Variants in RBFOX3 observed in about 807,000 individuals in gnomAD.
RBFOX3 encodes RNA binding fox-1 homolog 3.
In RBFOX3, 17 loss-of-function variants were observed where a neutral mutation model predicts 48.7. That is an observed-to-expected ratio of 0.35 (90% CI 0.24 to 0.52). The LOEUF is 0.52. Among genes scored for constraint, RBFOX3 ranks in the 20% least tolerant of loss-of-function variants. RBFOX3 has a pLI of 0.94. For missense variants in RBFOX3, 382 were observed against 497.5 expected, an observed-to-expected ratio of 0.77 and a Z score of 2.21; for synonymous variants, 212 against 209.5, an observed-to-expected ratio of 1.01 and a Z score of -0.10.
chr17:79,459,774 A>G (rs563187524), intron 2 of RBFOX3, among the ~76,000 whole-genome samples: 1 of 152,300 alleles, frequency 6.6e-6, no homozygotes, highest in South Asian at 2.1e-4. Context: ...AGGGGATTTA[A>G]GAGTGAGGGG....
the RBFOX3 span, among the ~76,000 whole-genome samples, chr17:79,624,141 T>C: frequency 6.6e-6 from 1 of 152,180 alleles, no homozygotes. Flanking sequence ...CCACTAGGTT[T>C]GTTGCAGTTT....
intron 2 of RBFOX3, among the ~76,000 whole-genome samples, chr17:79,424,516 A>G (rs1555724557): frequency 2.6e-5 from 4 of 152,126 alleles, no homozygotes; most frequent in African/African-American, 9.7e-5. Context: ...TCTTCCTGTG[A>G]AATTCTCTCC....
intron 4 of RBFOX3, among the ~76,000 whole-genome samples, chr17:79,215,794 C>T (rs1294976144): frequency 2.0e-5 from 3 of 152,254 alleles, no homozygotes; most frequent in Non-Finnish European, 2.9e-5. Flanking sequence ...TGCCCTGAAG[C>T]GGAGCACCCA....
Position 79,249,083 on chromosome 17 carries a change from G to A in RBFOX3, c.-73-13278C>T, listed in dbSNP as rs1055234063. 3.9e-5 allele frequency among the ~76,000 whole-genome samples: 6 copies of A among 152,268 alleles called. No individual in the cohort carries two copies. The highest frequency in any genetic ancestry group is 2.1e-4 in the South Asian group (1 of 4,828). On this transcript the variant is annotated intron_variant, in intron 3 of 14. Transcript: ENST00000693108. The surrounding 1 kb of genome is among the most constrained non-coding windows in gnomAD (Gnocchi z 4.1). ...AGGCTGCCTCCCCTGGGTCGGCAAC[G>A]CCACCTCGCTTCCTGCAGCTGACAA...
chr17:79,549,938 C>A (rs951045174), intron 1 of RBFOX3, among the ~76,000 whole-genome samples: 3 of 152,066 alleles, frequency 2.0e-5, no homozygotes, highest in African/African-American at 7.2e-5. Flanking sequence ...AGACCACACA[C>A]ACCAAAAAAA....
At chr17:79,294,436 G>A (rs999315486) in intron 3 of RBFOX3, among the ~76,000 whole-genome samples, 3 of 152,216 alleles carry the variant, frequency 2.0e-5, no homozygotes, top group South Asian at 2.1e-4. Flanking sequence ...TCAGCCTCCC[G>A]AGTAGCTGGG....
rs531962344 is a variant in RBFOX3, at chr17:79,118,476, A to G, written c.-33-2728T>C. Among the ~76,000 whole-genome samples the G allele has an allele frequency of 2.2e-4, 34 of 152,202 alleles. No individual in the cohort carries two copies. The East Asian group carries it at 4.2e-3, about 19-fold the overall frequency. On this transcript the variant is annotated intron_variant, in intron 4 of 14. Coordinates refer to ENST00000693108, the MANE Select transcript of RBFOX3 (RefSeq NM_001350451.2). ...GGGAAGGAGAGTCAGGGCACCCAGGAGGGGTGGAGAGCATCTAGAACCCAG... is the reference window on the plus strand; with the variant it reads ...GGGAAGGAGAGTCAGGGCACCCAGGGGGGGTGGAGAGCATCTAGAACCCAG...
chr17:79,265,995 C>T (rs906840813), intron 3 of RBFOX3, among the ~76,000 whole-genome samples: 6 of 152,210 alleles, frequency 3.9e-5, no homozygotes, highest in Non-Finnish European at 8.8e-5. Flanking sequence ...AATCCATTCC[C>T]GCTGTAACAG....
At chr17:79,571,920 C>G (rs1052791679) in intron 1 of RBFOX3, among the ~76,000 whole-genome samples, 4 of 152,164 alleles carry the variant, frequency 2.6e-5, no homozygotes, top group Admixed American at 6.5e-5. Context: ...TCACCTCCCC[C>G]CAGCGTCCTA....
At chr17:79,635,100 A>AAAAAC in the RBFOX3 span, among the ~76,000 whole-genome samples, 1 of 127,584 alleles carries the variant, frequency 7.8e-6, no homozygotes, top group African/African-American at 2.9e-5. Context: ...AAAAAAAAAA[A>AAAAAC]ACGTTGGCAC....
chr17:79,261,865 G>C (rs954221331), intron 3 of RBFOX3, among the ~76,000 whole-genome samples: 3 of 152,222 alleles, frequency 2.0e-5, no homozygotes, highest in African/African-American at 7.2e-5. Context: ...CCGAAGAGGG[G>C]AGGGGAGGAC....
At chr17:79,381,933 C>G (rs563334555) in intron 2 of RBFOX3, among the ~76,000 whole-genome samples, 25 of 152,326 alleles carry the variant, frequency 1.6e-4, no homozygotes, top group African/African-American at 5.3e-4. Flanking sequence ...AACCCGGTGT[C>G]ACCATCATCA....
At chr17:79,115,425 A>C in intron 5 of RBFOX3, 69 bp downstream of exon 5, 3 of 1,042,482 alleles carry the variant, frequency 2.9e-6, no homozygotes, top group Non-Finnish European at 3.7e-6. Flanking sequence ...CTTCTGGGCC[A>C]CCCTTCTTCT....
intron 5 of RBFOX3, among the ~76,000 whole-genome samples, chr17:79,114,218 G>C (rs1211120425): frequency 6.6e-6 from 1 of 152,186 alleles, no homozygotes; most frequent in African/African-American, 2.4e-5. Context: ...GCACACACAG[G>C]GCGTGGGTTT....
At position 79,204,481 on chromosome 17, in the gene RBFOX3, G is replaced by T. The variant is rs944937217; in HGVS notation, c.-34+31285C>A. The stretch of plus-strand genomic sequence containing the variant: ...AGTCCAGTGAACAGCTCCTTGAAGC[G>T]CACACATACCGACAGCATTCAGTCA... On this transcript the variant is annotated intron_variant, in intron 4 of 14. Transcript: ENST00000693108. The surrounding 1 kb of genome is among the most constrained non-coding windows in gnomAD (Gnocchi z 4.5). 6.6e-6 allele frequency among the ~76,000 whole-genome samples: 1 copy of T among 152,164 alleles called. No individual in the cohort carries two copies. Among genetic ancestry groups the T allele is most frequent in the Non-Finnish European group, 1.5e-5 (1 of 68,030 alleles).
intron 1 of RBFOX3, among the ~76,000 whole-genome samples, chr17:79,536,417 C>G (rs1568389079): frequency 6.6e-6 from 1 of 152,236 alleles, no homozygotes; most frequent in Non-Finnish European, 1.5e-5. Flanking sequence ...TTGTCTTGCC[C>G]TGCACAGGCC....
At chr17:79,117,581 G>A (rs2034430283) in intron 4 of RBFOX3, among the ~76,000 whole-genome samples, 1 of 152,194 alleles carries the variant, frequency 6.6e-6, no homozygotes. Flanking sequence ...CTCGGCCTCT[G>A]GGCAGTGCCT....
intron 4 of RBFOX3, among the ~76,000 whole-genome samples, chr17:79,171,843 T>A (rs1373088491): frequency 6.6e-6 from 1 of 151,670 alleles, no homozygotes; most frequent in African/African-American, 2.4e-5. Context: ...ATATTTAATT[T>A]AAAAAGGGTG....
At position 79,266,384 on chromosome 17, in the gene RBFOX3, C is replaced by T. The variant is rs914008813; in HGVS notation, c.-73-30579G>A. Among the ~76,000 whole-genome samples the T allele has an allele frequency of 3.9e-5, 6 of 152,296 alleles. No homozygotes were observed. In the South Asian group the frequency reaches 6.2e-4, roughly 16 times the overall value. On this transcript the variant is annotated intron_variant, in intron 3 of 14. Transcript: ENST00000693108. Reference sequence around the variant, plus strand: ...TACCTGCTGAAGTCAGTGCTCCGCCCGCCCATCTCATCCAGCTGTGCTTTC... The same window carrying T: ...TACCTGCTGAAGTCAGTGCTCCGCCTGCCCATCTCATCCAGCTGTGCTTTC...
Sources: allele counts gnomAD v4.1 joint callset (sites outside exome capture counted in the v4.1 genomes callset), GRCh38; gene constraint gnomAD v4.1.1; non-coding constraint Gnocchi (gnomAD v3.1); transcripts MANE v1.5; gene names NCBI Gene and HGNC (gene_info 2026-07-23, HGNC 2026-07-21).